Variants in XRCC5 observed in about 807,000 individuals in gnomAD.
XRCC5 encodes DNA repair protein Ku80.
In XRCC5, 12 loss-of-function variants were observed where a neutral mutation model predicts 95.7. The observed-to-expected ratio is 0.13, with a 90% CI of 0.08 to 0.20. The LOEUF (loss-of-function observed/expected upper bound fraction) is 0.20, where lower values mean the gene tolerates loss of function less well. Among genes scored for constraint, XRCC5 ranks in the 10% least tolerant of loss-of-function variants. The pLI is 1.00. For missense variants in XRCC5, 595 were observed against 873.9 expected, an observed-to-expected ratio of 0.68 and a Z score of 4.02; for synonymous variants, 281 against 290.3, an observed-to-expected ratio of 0.97 and a Z score of 0.33.
At position 216,119,358 on chromosome 2, in the gene XRCC5, G is replaced by A. The variant is rs41298742; in HGVS notation, c.491+193G>A. Among the ~76,000 whole-genome samples the A allele has an allele frequency of 3.3e-3, 504 of 152,258 alleles. 3 individuals are homozygous for A. The highest frequency in any genetic ancestry group is 0.011 in the African/African-American group (474 of 41,538). Reference sequence around the variant, plus strand: ...GTTCTAGGAACTGTTCTGAGTGGTCGTGACAAAAAGATGAAAGTCAGTGAT... The same window carrying A: ...GTTCTAGGAACTGTTCTGAGTGGTCATGACAAAAAGATGAAAGTCAGTGAT... On this transcript the variant is annotated intron_variant, in intron 5 of 20. Coordinates refer to ENST00000392132, the MANE Select transcript of XRCC5 (RefSeq NM_021141.4).
chr2:216,115,267 A>G (rs980859370), intron 2 of XRCC5, among the ~76,000 whole-genome samples: 7 of 152,134 alleles, frequency 4.6e-5, no homozygotes, highest in African/African-American at 1.2e-4. Context: ...CCCCAGTAAC[A>G]AGAGTATAGG....
chr2:216,184,603 C>T (rs1468786053), intron 16 of XRCC5, among the ~76,000 whole-genome samples: 1 of 152,202 alleles, frequency 6.6e-6, no homozygotes, highest in African/African-American at 2.4e-5. Context: ...CCGCCTCAGC[C>T]TCCTGAGTAG....
rs12478882 is a variant in XRCC5, at chr2:216,157,144, T to C, written c.1671-2924T>C. On this transcript the variant is annotated intron_variant, in intron 14 of 20. Coordinates refer to ENST00000392132, the MANE Select transcript of XRCC5 (RefSeq NM_021141.4). ...CACGTTTTTTAATGCTCCTAATTAATGTGTTTTCTAGCTCCTTCTCTCACT... is the reference window on the plus strand; with the variant it reads ...CACGTTTTTTAATGCTCCTAATTAACGTGTTTTCTAGCTCCTTCTCTCACT... 4.4e-3 allele frequency among the ~76,000 whole-genome samples: 667 copies of C among 152,338 alleles called. 3 individuals are homozygous for C. Among genetic ancestry groups the C allele is most frequent in the African/African-American group, 0.015 (644 of 41,578 alleles).
At chr2:216,121,964 G>T in intron 5 of XRCC5, 98 bp from the exon 6 acceptor site, 352 of 1,034,784 alleles carry the variant, frequency 3.4e-4, no homozygotes, top group East Asian at 5.5e-4. Flanking sequence ...TGAGAAATTT[G>T]AAACTTGAAA....
At chr2:216,187,819 ACACTCTCTCT>A (rs1194192441) in intron 16 of XRCC5, among the ~76,000 whole-genome samples, 15 of 51,002 alleles carry the variant, frequency 2.9e-4, no homozygotes, top group African/African-American at 7.0e-4. Context: ...ACACACACAC[ACACTCTCTCT>A]CTCTCTCTCT....
At chr2:216,151,140 T>G (rs982610892) in intron 14 of XRCC5, among the ~76,000 whole-genome samples, 2 of 152,164 alleles carry the variant, frequency 1.3e-5, no homozygotes, top group African/African-American at 4.8e-5. Flanking sequence ...TGAGAAGATC[T>G]GATATTTGTC....
intron 17 of XRCC5, among the ~76,000 whole-genome samples, chr2:216,191,046 G>T (rs1184702549): frequency 2.0e-5 from 3 of 152,112 alleles, no homozygotes; most frequent in African/African-American, 7.2e-5. Flanking sequence ...AGAGTGACAA[G>T]AAAATGGAAA....
At chr2:216,203,073 G>T (rs1429858027) in intron 19 of XRCC5, among the ~76,000 whole-genome samples, 1 of 152,166 alleles carries the variant, frequency 6.6e-6, no homozygotes, top group Non-Finnish European at 1.5e-5. Flanking sequence ...GTAGAGAATG[G>T]CAGCTCTTAC....
intron 15 of XRCC5, among the ~76,000 whole-genome samples, chr2:216,160,376 T>C (rs929141317): frequency 6.6e-6 from 1 of 152,210 alleles, no homozygotes; most frequent in African/African-American, 2.4e-5. Context: ...CTATATGATA[T>C]AAGGTATATA....
chr2:216,179,984 G>T (rs1468393562), intron 16 of XRCC5, among the ~76,000 whole-genome samples: 1 of 152,314 alleles, frequency 6.6e-6, no homozygotes, highest in African/African-American at 2.4e-5. Flanking sequence ...AAGTTTTGCT[G>T]ATCATTTGAA....
intron 16 of XRCC5, among the ~76,000 whole-genome samples, chr2:216,187,821 A>T (rs2909533): frequency 0.034 from 1,597 of 47,480 alleles, 23 homozygotes; most frequent in East Asian, 0.052. Flanking sequence ...ACACACACAC[A>T]CTCTCTCTCT....
At chr2:216,126,679 T>C (rs1472050700) in intron 7 of XRCC5, among the ~76,000 whole-genome samples, 2 of 152,140 alleles carry the variant, frequency 1.3e-5, no homozygotes, top group Non-Finnish European at 2.9e-5. Context: ...AAAATAAATA[T>C]ACAAAAACAT....
At chr2:216,127,414 A>G in intron 7 of XRCC5, 122 bp from the exon 8 acceptor site, 1 of 1,175,078 alleles carries the variant, frequency 8.5e-7, no homozygotes, top group South Asian at 2.0e-5. Context: ...AGCAAACAAA[A>G]TAATGGAGCT....
chr2:216,185,357 G>A (rs1368180668), intron 16 of XRCC5, among the ~76,000 whole-genome samples: 3 of 152,182 alleles, frequency 2.0e-5, no homozygotes, highest in Non-Finnish European at 4.4e-5. Context: ...TAGTAAAGAG[G>A]CATAAAGAAA....
chr2:216,168,446 A>G (rs1689093654), intron 16 of XRCC5, among the ~76,000 whole-genome samples: 1 of 152,250 alleles, frequency 6.6e-6, no homozygotes, highest in South Asian at 2.1e-4. Context: ...CACATGACGT[A>G]GAAACTAAAG....
At chr2:216,175,127 C>T (rs1241332816) in intron 16 of XRCC5, 1 of 344,358 alleles carries the variant, frequency 2.9e-6, no homozygotes, top group African/African-American at 2.2e-5. Flanking sequence ...CCACTATCCC[C>T]ATACCCGCCA....
At chr2:216,138,841 A>G (rs1180850169) in intron 12 of XRCC5, among the ~76,000 whole-genome samples, 8 of 152,218 alleles carry the variant, frequency 5.3e-5, no homozygotes, top group Admixed American at 2.6e-4. Context: ...TGATGAGTAG[A>G]TGTTTTAGGT....
intron 14 of XRCC5, among the ~76,000 whole-genome samples, chr2:216,157,217 C>CT (rs914824211): frequency 3.5e-4 from 41 of 115,526 alleles, no homozygotes; most frequent in East Asian, 2.5e-3. Context: ...CAACTATTTT[C>CT]TTTTTTTTTT....
At chr2:216,197,779 C>A (rs943842345) in intron 19 of XRCC5, among the ~76,000 whole-genome samples, 11 of 152,166 alleles carry the variant, frequency 7.2e-5, no homozygotes, top group Admixed American at 7.2e-4. Flanking sequence ...ATTGCACATT[C>A]ACCTAGCAGA....
Sources: allele counts gnomAD v4.1 joint callset (sites outside exome capture counted in the v4.1 genomes callset), GRCh38; gene constraint gnomAD v4.1.1; transcripts MANE v1.5; gene names NCBI Gene and HGNC (gene_info 2026-07-23, HGNC 2026-07-21).